Variants in GALNT1 observed in about 807,000 individuals in gnomAD.
GALNT1 encodes polypeptide N-acetylgalactosaminyltransferase 1, also known as GalNAc transferase 1.
A neutral mutation model predicts 65.7 loss-of-function variants in GALNT1; 17 were observed. The ratio of observed to expected loss-of-function variants is 0.26; its 90% CI spans 0.18 to 0.39. GALNT1 has a LOEUF of 0.39. GALNT1 is among the 10% of genes least tolerant of loss of function. The pLI is 1.00. For missense variants in GALNT1, 460 were observed against 672.8 expected, an observed-to-expected ratio of 0.68 and a Z score of 3.50; for synonymous variants, 210 against 219.7, an observed-to-expected ratio of 0.96 and a Z score of 0.39.
chr18:35,665,196 A>G (rs1257695775), intron 3 of GALNT1, among the ~76,000 whole-genome samples: 1 of 152,218 alleles, frequency 6.6e-6, no homozygotes, highest in African/African-American at 2.4e-5. Context: ...AAAACTATTA[A>G]GGTAGAACAC....
chr18:35,581,582 A>AGCGGCGGCGGCGGCGGC (rs1555644073), upstream of GALNT1, among the ~76,000 whole-genome samples: 15 of 137,440 alleles, frequency 1.1e-4, no homozygotes, highest in Non-Finnish European at 2.1e-4. Flanking sequence ...GTGAGCGGGC[A>AGCGGCGGCGGCGGCGGC]GGCGGCGCGC....
At chr18:35,658,591 T>G (rs1043989170) in intron 2 of GALNT1, among the ~76,000 whole-genome samples, 3 of 152,020 alleles carry the variant, frequency 2.0e-5, no homozygotes, top group Non-Finnish European at 4.4e-5. Flanking sequence ...CAAATTTCTG[T>G]GGTGCATTTG....
intron 9 of GALNT1, among the ~76,000 whole-genome samples, chr18:35,695,220 T>TAACATAAC (rs2048035365): frequency 6.6e-6 from 1 of 151,344 alleles, no homozygotes; most frequent in Non-Finnish European, 1.5e-5. Context: ...ATGGGTGTCA[T>TAACATAAC]GTATTTGGGT....
intron 4 of GALNT1, 47 bp from the exon 5 acceptor site, chr18:35,683,344 G>A (rs764977328): frequency 2.0e-6 from 3 of 1,472,236 alleles, no homozygotes; most frequent in African/African-American, 2.8e-5. Context: ...CATCTGAATA[G>A]TGCCAGGCCA....
chr18:35,597,172 A>G (rs1420444035), intron 1 of GALNT1: 1 of 152,220 alleles, frequency 6.6e-6, no homozygotes, highest in Non-Finnish European at 1.5e-5. Flanking sequence ...TACTTGCCCA[A>G]GATTTAAGAG....
At chr18:35,588,528 C>T (rs1226951216) in intron 1 of GALNT1, among the ~76,000 whole-genome samples, 2 of 152,010 alleles carry the variant, frequency 1.3e-5, no homozygotes, top group African/African-American at 4.8e-5. Context: ...CTTTTTCAGC[C>T]TGCCCTCTTT....
chr18:35,645,334 A>G (rs1166892987), intron 1 of GALNT1, among the ~76,000 whole-genome samples: 1 of 140,922 alleles, frequency 7.1e-6, no homozygotes, highest in African/African-American at 2.7e-5. Context: ...AGGTCACACC[A>G]TTCTCCTGCC....
intron 1 of GALNT1, among the ~76,000 whole-genome samples, chr18:35,585,705 TG>T (rs1568010632): frequency 6.6e-6 from 1 of 152,254 alleles, no homozygotes; most frequent in Non-Finnish European, 1.5e-5. Context: ...ATTTTAAGAA[TG>T]TTTTATAAAT....
At chr18:35,685,241 C>T (rs527854278) in intron 5 of GALNT1, among the ~76,000 whole-genome samples, 1 of 152,022 alleles carries the variant, frequency 6.6e-6, no homozygotes, top group East Asian at 1.9e-4. Flanking sequence ...TGCACGTATG[C>T]GTGTAAAAAA....
At chr18:35,689,521 C>A (rs879697899) in intron 7 of GALNT1, among the ~76,000 whole-genome samples, 14 of 151,980 alleles carry the variant, frequency 9.2e-5, no homozygotes, top group Non-Finnish European at 1.6e-4. Flanking sequence ...ACAAGATTCC[C>A]TAGTTGTTTT....
intron 9 of GALNT1, among the ~76,000 whole-genome samples, chr18:35,695,563 G>A (rs1424557390): frequency 1.3e-5 from 2 of 152,160 alleles, no homozygotes; most frequent in African/African-American, 2.4e-5. Flanking sequence ...TGGAGAGTTG[G>A]TGAAGCCATC....
chr18:35,618,104 C>G (rs1040594982), intron 1 of GALNT1, among the ~76,000 whole-genome samples: 9 of 151,358 alleles, frequency 5.9e-5, no homozygotes, highest in African/African-American at 2.2e-4. Context: ...AACAGCACAG[C>G]AAAATGCAAA....
chr18:35,617,131 A>T (rs1360299861), intron 1 of GALNT1, among the ~76,000 whole-genome samples: 2 of 152,044 alleles, frequency 1.3e-5, no homozygotes, highest in Non-Finnish European at 2.9e-5. Context: ...GTCTGTGGCT[A>T]CTGTTCTCTA....
At chr18:35,581,646 GTAGCCGCCGACCCGAGCCGGGC>G (rs2046316599), upstream of GALNT1, 2 of 66 alleles carry the variant, frequency 0.03, no homozygotes, top group Non-Finnish European at 0.083. Flanking sequence ...GGCGCCCGGA[GTAGCCGCCGACCCGAGCCGGGC>G]GCGGAGGCGG....
intron 1 of GALNT1, among the ~76,000 whole-genome samples, chr18:35,637,283 G>A (rs971009821): frequency 2.0e-5 from 3 of 152,224 alleles, no homozygotes; most frequent in African/African-American, 7.2e-5. Flanking sequence ...AGGAAGGCAT[G>A]TCGAAAGCAG....
At chr18:35,627,458 A>G (rs998504450) in intron 1 of GALNT1, 4 of 152,182 alleles carry the variant, frequency 2.6e-5, no homozygotes, top group Admixed American at 2.0e-4. Context: ...GATTTGGGAT[A>G]TGAATTCATT....
At chr18:35,632,505 A>T (rs1161275365) in intron 1 of GALNT1, among the ~76,000 whole-genome samples, 1 of 152,234 alleles carries the variant, frequency 6.6e-6, no homozygotes, top group East Asian at 1.9e-4. Context: ...ATATGTAGAA[A>T]GCTGAAACTG....
chr18:35,582,607 G>A (rs2046336004), intron 1 of GALNT1, among the ~76,000 whole-genome samples: 1 of 152,198 alleles, frequency 6.6e-6, no homozygotes, highest in Non-Finnish European at 1.5e-5. Context: ...GGTCAAGTGG[G>A]CAATAGGCAA....
chr18:35,636,676 T>C (rs1020547550), intron 1 of GALNT1, among the ~76,000 whole-genome samples: 2 of 152,044 alleles, frequency 1.3e-5, no homozygotes, highest in African/African-American at 2.4e-5. Context: ...AAGAACATCA[T>C]TGGACAAAAT....
Sources: gnomAD v4.1 joint callset for allele counts (sites outside exome capture counted in the v4.1 genomes callset) on GRCh38, gnomAD v4.1.1 for gene constraint, MANE v1.5 for transcripts, NCBI Gene and HGNC (gene_info 2026-07-23, HGNC 2026-07-21) for gene names.